ZC3H3: variants seen among roughly 807,000 people sequenced by gnomAD.
The protein encoded by ZC3H3 is zinc finger CCCH domain-containing protein 3.
Under a neutral mutation model 77.3 loss-of-function variants are expected in ZC3H3, and 36 were observed. The observed-to-expected ratio is 0.47, with a 90% CI of 0.36 to 0.61. The LOEUF (loss-of-function observed/expected upper bound fraction) is 0.61. Ranked by LOEUF, ZC3H3 falls within the 20% of genes least tolerant of loss-of-function variation. The pLI is 0.00. For missense variants in ZC3H3, 1,331 were observed against 1,312.2 expected, an observed-to-expected ratio of 1.01 and a Z score of -0.22; for synonymous variants, 626 against 555.2, an observed-to-expected ratio of 1.13 and a Z score of -1.79.
At chr8:143,496,629 G>C (rs182632217) in intron 4 of ZC3H3, among the ~76,000 whole-genome samples, 1 of 152,368 alleles carries the variant, frequency 6.6e-6, no homozygotes, top group East Asian at 1.9e-4. Context: ...CATGGAAGGA[G>C]GGGTGGGAAA....
At chr8:143,476,049 C>A (rs1448064348) in intron 4 of ZC3H3, among the ~76,000 whole-genome samples, 1 of 152,192 alleles carries the variant, frequency 6.6e-6, no homozygotes, top group Non-Finnish European at 1.5e-5. Flanking sequence ...TGGTGAGAAG[C>A]ACACCTGGCC....
At chr8:143,478,345 G>A (rs554252327) in intron 4 of ZC3H3, among the ~76,000 whole-genome samples, 20 of 152,302 alleles carry the variant, frequency 1.3e-4, no homozygotes, top group South Asian at 1.0e-3. Flanking sequence ...GCCACAGCTG[G>A]CCAGGCCCAG....
At chr8:143,471,055 G>A (rs1057326870) in intron 5 of ZC3H3, among the ~76,000 whole-genome samples, 29 of 152,204 alleles carry the variant, frequency 1.9e-4, no homozygotes, top group Non-Finnish European at 2.1e-4. Context: ...TGCAGTCAGA[G>A]GTTCCTCAGC....
At chr8:143,501,996 G>T (rs940797669) in intron 4 of ZC3H3, among the ~76,000 whole-genome samples, 77 of 152,340 alleles carry the variant, frequency 5.1e-4, no homozygotes, top group African/African-American at 1.8e-3. Flanking sequence ...CCTGAGGTGG[G>T]GCCCTCATGA....
chr8:143,440,043 G>A lies in ZC3H3; in HGVS notation c.2813C>T (p.Ser938Leu). The A allele has an allele frequency of 6.5e-7, 1 of 1,542,544 alleles. No homozygotes were observed. Among genetic ancestry groups the A allele is most frequent in the South Asian group, 1.2e-5 (1 of 83,906 alleles). Residue 938 changes from serine to leucine, a missense_variant and splice_region_variant, in exon 11 of 12, where the codon TCA (serine) becomes TTA (leucine). Coordinates refer to ENST00000262577, the MANE Select transcript of ZC3H3 (RefSeq NM_015117.3). ...RAPRAPLTKD[S>L]GKPLHIKPRL is the part of the protein sequence containing the mutation. ...CCGAGCCAGGCCGTGCTGCCTACCT[G>A]AGTCCTTGGTGAGGGGGGCCCTAGG...
intron 4 of ZC3H3, among the ~76,000 whole-genome samples, chr8:143,478,127 C>T (rs1563850246): frequency 6.6e-6 from 1 of 152,200 alleles, no homozygotes; most frequent in African/African-American, 2.4e-5. Flanking sequence ...ACCCAGCTCT[C>T]CACCTGGGTC....
intron 8 of ZC3H3, among the ~76,000 whole-genome samples, chr8:143,467,477 G>A (rs1332106148): frequency 6.6e-6 from 1 of 152,212 alleles, no homozygotes; most frequent in Non-Finnish European, 1.5e-5. Context: ...CTCTATTAGG[G>A]AGAAAAATGC....
At chr8:143,440,891 G>C in intron 10 of ZC3H3, 45 bp downstream of exon 10, 9 of 1,357,676 alleles carry the variant, frequency 6.6e-6, no homozygotes, top group Non-Finnish European at 8.5e-6. Context: ...CAGACAGGGA[G>C]GGGGCCACCC....
chr8:143,449,400 C>T (rs1819933688), intron 9 of ZC3H3, among the ~76,000 whole-genome samples: 3 of 152,216 alleles, frequency 2.0e-5, no homozygotes, highest in East Asian at 1.9e-4. Flanking sequence ...AGCCAGGCTA[C>T]ACCTTGAACA....
rs1476203444 is a variant in ZC3H3, at chr8:143,468,547, A to G, written c.1947-7T>C. ...GCTGCGCTGCACTGCCCGGCTGCAGACGGGGAGAGAGGTGCGTGAGCCTGA... is the reference window on the plus strand; with the variant it reads ...GCTGCGCTGCACTGCCCGGCTGCAGGCGGGGAGAGAGGTGCGTGAGCCTGA... On this transcript the variant is annotated splice_region_variant and splice_polypyrimidine_tract_variant and intron_variant, in intron 6 of 11. Transcript: ENST00000262577. The G allele has an allele frequency of 6.2e-7, 1 of 1,605,932 alleles. No individual in the cohort carries two copies. The highest frequency in any genetic ancestry group is 1.3e-5 in the African/African-American group (1 of 74,732).
At chr8:143,526,948 A>G (rs1822430420) in intron 3 of ZC3H3, among the ~76,000 whole-genome samples, 1 of 152,174 alleles carries the variant, frequency 6.6e-6, no homozygotes, top group East Asian at 1.9e-4. Flanking sequence ...AAGCAGCACA[A>G]GCCCTGCTGG....
chr8:143,462,610 T>C lies in ZC3H3; in HGVS notation c.2307+3107A>G, dbSNP rs1219827616. 6.6e-6 allele frequency among the ~76,000 whole-genome samples: 1 copy of C among 152,116 alleles called. No individual in the cohort carries two copies. Among genetic ancestry groups the C allele is most frequent in the African/African-American group, 2.4e-5 (1 of 41,424 alleles). ...AGGTCTCAGCTCGCACTTGGGGAGC[T>C]GAAACCCAAGGCTCAGCCAGGGCCT... On this transcript the variant is annotated intron_variant, in intron 9 of 11. Transcript: ENST00000262577. This position sits in a 1 kb window ranked among gnomAD's most constrained non-coding sequence, Gnocchi z 4.7.
rs1820398179 is a variant in ZC3H3 at position 143,465,978 on chromosome 8, CA to C, written c.2176-131del. The C allele has an allele frequency of 5.3e-6, 7 of 1,311,570 alleles. No homozygotes were observed. In the Admixed American group the frequency reaches 1.7e-4, roughly 31 times the overall value. 81.2% of individuals were successfully genotyped at this position (1,311,570 alleles called of 1,614,324 possible). On this transcript the variant is annotated intron_variant, in intron 8 of 11. Transcript: ENST00000262577. ...ACGCGGCACCAGCAGGCAGGAAGGG[CA>C]GCCACCACGACCTGCGGGGCAGGGA...
At chr8:143,438,958 G>C (rs1819654230) in intron 11 of ZC3H3, among the ~76,000 whole-genome samples, 1 of 152,186 alleles carries the variant, frequency 6.6e-6, no homozygotes, top group East Asian at 1.9e-4. Flanking sequence ...ACTGTCCCAG[G>C]CACCTCCACC....
chr8:143,524,248 C>T (rs1822341160), intron 3 of ZC3H3, among the ~76,000 whole-genome samples: 1 of 152,342 alleles, frequency 6.6e-6, no homozygotes, highest in East Asian at 1.9e-4. Flanking sequence ...CCCACAACTC[C>T]AGCAGGTGGG....
intron 10 of ZC3H3, among the ~76,000 whole-genome samples, 175 bp downstream of exon 10, chr8:143,440,753 TGGAAGTGG>T (rs1208240259): frequency 6.6e-6 from 1 of 152,184 alleles, no homozygotes; most frequent in East Asian, 1.9e-4. Context: ...TGTCCAGACT[TGGAAGTGG>T]GGTAGGGGCA....
chr8:143,512,039 C>A (rs1821885254), intron 3 of ZC3H3, among the ~76,000 whole-genome samples: 1 of 152,262 alleles, frequency 6.6e-6, no homozygotes, highest in Non-Finnish European at 1.5e-5. Flanking sequence ...CTGACAGACA[C>A]CTTGCACCAC....
At chr8:143,463,295 G>A (rs1183218226) in intron 9 of ZC3H3, among the ~76,000 whole-genome samples, 2 of 152,162 alleles carry the variant, frequency 1.3e-5, no homozygotes, top group Non-Finnish European at 2.9e-5. Context: ...CAGACCCTGA[G>A]TCTTAAACAC....
intron 9 of ZC3H3, among the ~76,000 whole-genome samples, chr8:143,449,901 T>C (rs1057445417): frequency 1.3e-5 from 2 of 151,730 alleles, no homozygotes; most frequent in Admixed American, 1.3e-4. Context: ...TCCCAATAAG[T>C]TCCTCATCTC....
Sources: gnomAD v4.1 joint callset for allele counts (sites outside exome capture counted in the v4.1 genomes callset) on GRCh38, gnomAD v4.1.1 for gene constraint, Gnocchi (gnomAD v3.1) non-coding constraint, MANE v1.5 for transcripts, NCBI Gene and HGNC (gene_info 2026-07-23, HGNC 2026-07-21) for gene names.